The following FAM167A variants were observed in gnomAD, a reference collection of about 807,000 sequenced individuals.
The protein encoded by FAM167A is family with sequence similarity 167 member A.
In FAM167A, 23 loss-of-function variants were observed where a neutral mutation model predicts 14.9. That is an observed-to-expected ratio of 1.55 (90% CI 1.11 to 2.19). The LOEUF is 2.19. Ranked by LOEUF, FAM167A falls within the 30% of genes most tolerant of loss-of-function variation. The pLI, the probability that FAM167A is intolerant of heterozygous loss-of-function variation, is 0.00. For missense variants in FAM167A, 401 were observed against 281.5 expected (o/e 1.42, Z -3.04); for synonymous variants, 174 against 117.7 (o/e 1.48, Z -3.10).
chr8:11,472,447 T>TGGG (rs1229693513), upstream of FAM167A, among the ~76,000 whole-genome samples: 1 of 148,964 alleles, frequency 6.7e-6, no homozygotes, highest in African/African-American at 2.5e-5. Context: ...GTTTTTTTTT[T>TGGG]TTTTTTTTTT....
chr8:11,425,740 A>C (rs1805091624), intron 2 of FAM167A, among the ~76,000 whole-genome samples: 1 of 152,126 alleles, frequency 6.6e-6, no homozygotes, highest in Non-Finnish European at 1.5e-5. Flanking sequence ...AAGACTGACA[A>C]AACAGACTCT....
intron 2 of FAM167A, among the ~76,000 whole-genome samples, chr8:11,428,292 G>A (rs1805324578): frequency 6.6e-6 from 1 of 152,228 alleles, no homozygotes; most frequent in African/African-American, 2.4e-5. Flanking sequence ...GTGGCTGACA[G>A]ATCTGGTCAA....
intron 2 of FAM167A, chr8:11,435,161 C>T (rs1805921131): frequency 2.2e-6 from 1 of 456,116 alleles, no homozygotes; most frequent in Non-Finnish European, 4.4e-6. Flanking sequence ...ACTCTGATGC[C>T]CTTGCCCCCA....
intron 1 of FAM167A, among the ~76,000 whole-genome samples, chr8:11,450,080 C>T (rs917914386): frequency 6.6e-6 from 1 of 152,184 alleles, no homozygotes; most frequent in Non-Finnish European, 1.5e-5. Context: ...ACAATCTTTC[C>T]AACCCCGACC....
chr8:11,438,258 G>C (rs752202751), intron 2 of FAM167A: 5 of 406,892 alleles, frequency 1.2e-5, no homozygotes, highest in Non-Finnish European at 2.5e-5. Context: ...CCTTGACCCT[G>C]CAAGACAGCC....
Position 11,424,508 on chromosome 8 carries a change from C to T in FAM167A, c.510G>A (p.Glu170=), listed in dbSNP as rs772010209. 10 of 1,614,006 alleles carry T rather than the reference C, an allele frequency of 6.2e-6. No homozygotes were observed. In the East Asian group the frequency reaches 2.0e-4, roughly 32 times the overall value. ...CGGCCAGCTCATCCCGCTCCTCCAG[C>T]TCGTAGGTGGCATCGTTGAGCATCC... ...HRRMLNDATY[E]LEERDELADL... Residue 170 remains glutamate (E), a synonymous_variant, in exon 3 of 3, where the codon GAG becomes GAA. Transcript: ENST00000284486.
chr8:11,440,975 G>A (rs1293065648), intron 2 of FAM167A, among the ~76,000 whole-genome samples: 1 of 152,168 alleles, frequency 6.6e-6, no homozygotes, highest in Non-Finnish European at 1.5e-5. Context: ...GTTCTCCAAC[G>A]CTGAACTCTC....
At chr8:11,445,786 C>A (rs566989496) in intron 1 of FAM167A, among the ~76,000 whole-genome samples, 1 of 151,448 alleles carries the variant, frequency 6.6e-6, no homozygotes, top group South Asian at 2.1e-4. Context: ...TGATTTGGAC[C>A]CAGGTGGTAA....
At chr8:11,459,135 G>A (rs755669738) in intron 1 of FAM167A, among the ~76,000 whole-genome samples, 2 of 152,174 alleles carry the variant, frequency 1.3e-5, no homozygotes, top group Admixed American at 6.5e-5. Context: ...TTAGAAGGAG[G>A]AGGAAAAGAG....
intron 1 of FAM167A, 198 bp from the exon 2 acceptor site, chr8:11,445,006 T>C: frequency 9.0e-6 from 6 of 666,734 alleles, no homozygotes; most frequent in Non-Finnish European, 1.1e-5. Flanking sequence ...ATTGAAAAAT[T>C]GTGCAGTGTT....
intron 1 of FAM167A, among the ~76,000 whole-genome samples, chr8:11,453,419 C>T (rs1807103432): frequency 6.6e-6 from 1 of 152,244 alleles, no homozygotes; most frequent in Non-Finnish European, 1.5e-5. Context: ...AAGGAGATAG[C>T]ACCTCACTTA....
At position 11,423,962 on chromosome 8, in the gene FAM167A, T is replaced by G; in HGVS notation, c.*411A>C. On this transcript the variant is annotated 3_prime_UTR_variant, in exon 3 of 3. Coordinates refer to ENST00000284486, the MANE Select transcript of FAM167A (RefSeq NM_053279.3). ...GACAGGCACATCTGACATGCCTAAT[T>G]TCCCCCAAGGCCCTTGCGGGACAGC... is the stretch of plus-strand genomic sequence containing the variant. 5.1e-6 allele frequency: 1 copy of G among 194,290 alleles called. No individual in the cohort carries two copies. The highest frequency in any genetic ancestry group is 1.1e-5 in the Non-Finnish European group (1 of 93,334). The allele number at this position is 194,290 out of a possible 1,614,324, so 12.0% of individuals were successfully genotyped here.
intron 2 of FAM167A, chr8:11,438,566 G>A (rs756724974): frequency 4.5e-6 from 2 of 444,604 alleles, no homozygotes; most frequent in Non-Finnish European, 8.9e-6. Context: ...GATTATACAT[G>A]ATATATTCCT....
Position 11,444,102 on chromosome 8 carries a change from G to T in FAM167A, c.310C>A (p.Pro104Thr). The change falls in exon 2 of 3, where the codon CCC becomes ACC. Residue 104 changes from proline to threonine, a missense_variant. By Grantham distance (38) the Pro-to-Thr change is conservative. Transcript: ENST00000284486. ...SARSASQGARPLSTGKLEGFQ... is the reference protein window; with the variant it reads ...SARSASQGARTLSTGKLEGFQ... The stretch of plus-strand genomic sequence containing the variant: ...CCTTCCAGCTTGCCAGTGGACAGGG[G>T]TCTGGCACCTTGGCTGGCACTCCTG... 4 of 1,613,536 alleles carry T rather than the reference G, an allele frequency of 2.5e-6. No individual in the cohort carries two copies. Among genetic ancestry groups the T allele is most frequent in the Non-Finnish European group, 3.4e-6 (4 of 1,180,020 alleles).
At chr8:11,426,456 A>T (rs1465041755) in intron 2 of FAM167A, among the ~76,000 whole-genome samples, 1 of 152,202 alleles carries the variant, frequency 6.6e-6, no homozygotes, top group Non-Finnish European at 1.5e-5. Context: ...TTCTGTTAAC[A>T]AAGAGATGTG....
chr8:11,455,770 T>C (rs1205217373), intron 1 of FAM167A, among the ~76,000 whole-genome samples: 2 of 80,782 alleles, frequency 2.5e-5, no homozygotes, highest in Admixed American at 1.2e-4. Context: ...GTGAGTGTAT[T>C]GGGGGTGGTT....
At chr8:11,473,360 G>T (rs571327846) in intron 1 of FAM167A, among the ~76,000 whole-genome samples, 1 of 152,278 alleles carries the variant, frequency 6.6e-6, no homozygotes, top group African/African-American at 2.4e-5. Flanking sequence ...GGCTTTGGAG[G>T]CAGGAGTGAA....
At chr8:11,454,245 G>A (rs953340409) in intron 1 of FAM167A, among the ~76,000 whole-genome samples, 4 of 152,218 alleles carry the variant, frequency 2.6e-5, no homozygotes, top group African/African-American at 9.6e-5. Flanking sequence ...GCCCACGTGT[G>A]TGTGCAAAGC....
intron 1 of FAM167A, among the ~76,000 whole-genome samples, chr8:11,460,183 G>A (rs1409044903): frequency 3.3e-5 from 5 of 152,244 alleles, no homozygotes; most frequent in Non-Finnish European, 7.3e-5. Context: ...GCGCCCTAGT[G>A]GGCTGCACCC....
Sources: gnomAD v4.1 joint callset for allele counts (sites outside exome capture counted in the v4.1 genomes callset) on GRCh38, gnomAD v4.1.1 for gene constraint, MANE v1.5 for transcripts, NCBI Gene and HGNC (gene_info 2026-07-23, HGNC 2026-07-21) for gene names.